The following RTTN variants were observed in gnomAD, a reference collection of about 807,000 sequenced individuals.
RTTN encodes rotatin.
Under a neutral mutation model 269.2 loss-of-function variants are expected in RTTN, and 182 were observed. That is an observed-to-expected ratio of 0.68 (90% CI 0.60 to 0.76). The LOEUF (loss-of-function observed/expected upper bound fraction) is 0.76. RTTN is among the 30% of genes least tolerant of loss of function. The probability of loss-of-function intolerance (pLI) is 0.00; values close to 1 mark genes in which losing one functional copy is unlikely to be tolerated. For synonymous variants in RTTN, 1,006 were observed against 963.5 expected (o/e 1.04, Z -0.82); for missense variants, 2,545 against 2,608.6 (o/e 0.98, Z 0.53).
chr18:70,012,250 T>C (rs111775028), intron 46 of RTTN, among the ~76,000 whole-genome samples: 5 of 119,584 alleles, frequency 4.2e-5, no homozygotes, highest in African/African-American at 6.5e-5. Flanking sequence ...ACAGTGTCTG[T>C]TCACTGGTAC....
At chr18:70,059,800 T>C in intron 36 of RTTN, 50 bp downstream of exon 36, 1 of 1,237,008 alleles carries the variant, frequency 8.1e-7, no homozygotes, top group Non-Finnish European at 1.1e-6. Context: ...ATACAGTTTG[T>C]GTAAATTTAT....
chr18:70,088,005 C>G lies in RTTN; in HGVS notation c.4286G>C (p.Ser1429Thr). 6.2e-7 allele frequency: 1 copy of G among 1,613,330 alleles called. No individual in the cohort carries two copies. The highest frequency in any genetic ancestry group is 8.5e-7 in the Non-Finnish European group (1 of 1,179,724). ...CAGACATACCTCCCGGCGCACCATA[C>G]TACATTCTGACTGGTCCAGAAGAAT... ...VNILLDQSEC[S>T]MVRREAAFIL... Residue 1429 changes from serine to threonine, a missense_variant, in exon 31 of 49, where the codon AGT becomes ACT. Physicochemically the swap from Ser to Thr is moderately conservative, Grantham distance 58 (BLOSUM62 1). Transcript: ENST00000640769.
At chr18:70,083,370 GA>G (rs2058621658) in intron 32 of RTTN, among the ~76,000 whole-genome samples, 1 of 152,262 alleles carries the variant, frequency 6.6e-6, no homozygotes, top group Admixed American at 6.5e-5. Flanking sequence ...ACATTTTAAT[GA>G]ATCAGTCAAG....
At chr18:70,157,608 T>C (rs2060716416) in intron 14 of RTTN, among the ~76,000 whole-genome samples, 1 of 152,146 alleles carries the variant, frequency 6.6e-6, no homozygotes, top group Non-Finnish European at 1.5e-5. Context: ...GCAATCGTTC[T>C]TAACCAAACT....
At chr18:70,152,644 G>A (rs8089162) in intron 14 of RTTN, among the ~76,000 whole-genome samples, 150,699 of 152,258 alleles carry the variant, frequency 0.99, 74,595 homozygotes, top group East Asian at 1. Flanking sequence ...CCAACTGCTA[G>A]ATCCAAAACC....
Position 70,114,432 on chromosome 18 carries a change from T to C in RTTN, c.3683+13A>G. 1 of 1,608,988 alleles carries C rather than the reference T, an allele frequency of 6.2e-7. No homozygotes were observed. Among genetic ancestry groups the C allele is most frequent in the Non-Finnish European group, 8.5e-7 (1 of 1,177,558 alleles). On this transcript the variant is annotated intron_variant, in intron 27 of 48. Transcript: ENST00000640769. ...TATAAATGCACCTAAACCTGCAATATTACAAATGGTACCTGTCAGTAACTT... is the reference window on the plus strand; with the variant it reads ...TATAAATGCACCTAAACCTGCAATACTACAAATGGTACCTGTCAGTAACTT...
At chr18:70,129,049 T>A (rs2059934809) in intron 23 of RTTN, 1 of 152,198 alleles carries the variant, frequency 6.6e-6, no homozygotes, top group Admixed American at 6.6e-5. Flanking sequence ...CAGCTTATTG[T>A]TTTCACTTGA....
chr18:70,017,771 C>T lies in RTTN; in HGVS notation c.6154-97G>A, dbSNP rs7244421. The T allele has an allele frequency of 0.91, 783,029 of 857,804 alleles. 369,027 individuals carry two copies. The highest frequency in any genetic ancestry group is 1 in the East Asian group (38,512 of 38,536). 53.1% of individuals were successfully genotyped at this position (857,804 alleles called of 1,614,324 possible). On this transcript the variant is annotated intron_variant, in intron 45 of 48. Coordinates refer to ENST00000640769, the MANE Select transcript of RTTN (RefSeq NM_173630.4). ...ATTAACTAACATTCTGATATACTCTCCCTCTACATTAATTTCTCCTTTCTA... is the reference window on the plus strand; with the variant it reads ...ATTAACTAACATTCTGATATACTCTTCCTCTACATTAATTTCTCCTTTCTA...
intron 3 of RTTN, among the ~76,000 whole-genome samples, chr18:70,202,766 G>T (rs1832831842): frequency 6.6e-6 from 1 of 152,192 alleles, no homozygotes; most frequent in Non-Finnish European, 1.5e-5. Context: ...CTCAGCTATA[G>T]AGTAAGACTA....
rs117286064 is a variant in RTTN at position 70,196,158 on chromosome 18, G to A, written c.841+343C>T. ...ACAAAACAATGTATTAACACTATAT[G>A]TAACTTGCTAAATTGTCCAAAGTCC... is the stretch of plus-strand genomic sequence containing the variant. On this transcript the variant is annotated intron_variant, in intron 7 of 48. Transcript: ENST00000640769. Among the ~76,000 whole-genome samples, 32 of 152,236 alleles carry A rather than the reference G, an allele frequency of 2.1e-4. No homozygotes were observed. In the East Asian group the frequency reaches 6.0e-3, roughly 28 times the overall value.
At chr18:70,173,948 A>G (rs1475314810) in intron 11 of RTTN, among the ~76,000 whole-genome samples, 1 of 152,214 alleles carries the variant, frequency 6.6e-6, no homozygotes, top group Non-Finnish European at 1.5e-5. Context: ...CATTCAAAAC[A>G]GGCCAATTGA....
chr18:70,065,270 T>TAAAAAA (rs61422284), intron 35 of RTTN, among the ~76,000 whole-genome samples: 1,466 of 132,856 alleles, frequency 0.011, 13 homozygotes, highest in South Asian at 0.031. Flanking sequence ...CTCTAGAATT[T>TAAAAAA]AAAAAAAAAA....
rs1324758409 is a variant in RTTN at position 70,003,661 on chromosome 18, G to T, written c.*490C>A. The stretch of plus-strand genomic sequence containing the variant: ...GATAACAGAAAGTTTTGAAAATAAG[G>T]ATTTGCACTGACAGAGCCAAATTTT... On this transcript the variant is annotated 3_prime_UTR_variant, in exon 49 of 49. Coordinates refer to ENST00000640769, the MANE Select transcript of RTTN (RefSeq NM_173630.4). The T allele has an allele frequency of 6.6e-6, 1 of 152,062 alleles. No homozygotes were observed. Among genetic ancestry groups the T allele is most frequent in the Non-Finnish European group, 1.5e-5 (1 of 68,092 alleles). 9.4% of individuals were successfully genotyped at this position (152,062 alleles called of 1,614,324 possible).
At chr18:70,102,244 A>C (rs1485409294) in intron 28 of RTTN, among the ~76,000 whole-genome samples, 1 of 152,150 alleles carries the variant, frequency 6.6e-6, no homozygotes, top group African/African-American at 2.4e-5. Context: ...GACTTGCTTT[A>C]TGAATCTGGG....
At chr18:70,034,354 C>T (rs1320352390) in intron 40 of RTTN, among the ~76,000 whole-genome samples, 4 of 152,246 alleles carry the variant, frequency 2.6e-5, no homozygotes, top group South Asian at 4.1e-4. Flanking sequence ...TAATCCACTA[C>T]GAACAAGAAG....
At chr18:70,157,633 G>A (rs139343038) in intron 14 of RTTN, among the ~76,000 whole-genome samples, 2 of 152,142 alleles carry the variant, frequency 1.3e-5, no homozygotes, top group African/African-American at 2.4e-5. Context: ...TGGCTAAAAT[G>A]ACAGAATTCA....
intron 11 of RTTN, among the ~76,000 whole-genome samples, chr18:70,173,647 T>C (rs1435755788): frequency 6.6e-6 from 1 of 152,192 alleles, no homozygotes; most frequent in Non-Finnish European, 1.5e-5. Flanking sequence ...TGCATTTTAG[T>C]GTGTCACTCC....
At chr18:70,067,624 C>T (rs890804699) in intron 34 of RTTN, among the ~76,000 whole-genome samples, 12 of 152,188 alleles carry the variant, frequency 7.9e-5, no homozygotes, top group African/African-American at 2.9e-4. Context: ...ATATATCTGG[C>T]TCCTGCCACA....
chr18:70,023,791 TTTTC>T (rs2056773900), intron 44 of RTTN, among the ~76,000 whole-genome samples: 1 of 152,146 alleles, frequency 6.6e-6, no homozygotes, highest in Non-Finnish European at 1.5e-5. Context: ...TTTTCTTTTC[TTTTC>T]TTTGTGAGAC....
Sources: gnomAD v4.1 joint callset for allele counts (sites outside exome capture counted in the v4.1 genomes callset) on GRCh38, gnomAD v4.1.1 for gene constraint, MANE v1.5 for transcripts, NCBI Gene and HGNC (gene_info 2026-07-23, HGNC 2026-07-21) for gene names.